The following TBC1D22A variants were observed in gnomAD, a reference collection of about 807,000 sequenced individuals.
The protein encoded by TBC1D22A is TBC1 domain family member 22A.
A neutral mutation model predicts 60.2 loss-of-function variants in TBC1D22A; 38 were observed. That is an observed-to-expected ratio of 0.63 (90% CI 0.49 to 0.83). TBC1D22A has a LOEUF of 0.83. TBC1D22A is among the 40% of genes least tolerant of loss of function. The probability of loss-of-function intolerance (pLI) is 0.00; values close to 1 mark genes in which losing one functional copy is unlikely to be tolerated. For missense variants in TBC1D22A, 628 were observed against 701.0 expected (o/e 0.90, Z 1.18); for synonymous variants, 302 against 281.7 (o/e 1.07, Z -0.72).
At chr22:47,147,035 G>A (rs1348432807) in intron 12 of TBC1D22A, among the ~76,000 whole-genome samples, 1 of 152,240 alleles carries the variant, frequency 6.6e-6, no homozygotes, top group Admixed American at 6.5e-5. Context: ...AAGACACAGC[G>A]TCAGGTGAGA....
At chr22:46,996,361 C>G (rs1405215902) in intron 9 of TBC1D22A, among the ~76,000 whole-genome samples, 6 of 152,272 alleles carry the variant, frequency 3.9e-5, no homozygotes, top group African/African-American at 7.2e-5. Flanking sequence ...CTGGCCGGGC[C>G]AGAGGCCCTG....
intron 12 of TBC1D22A, among the ~76,000 whole-genome samples, chr22:47,126,972 T>C (rs1460475669): frequency 2.0e-5 from 3 of 152,188 alleles, no homozygotes; most frequent in African/African-American, 7.2e-5. Context: ...GCTACCGATT[T>C]TTCACACGCA....
chr22:47,131,768 C>CT (rs1981624065), intron 12 of TBC1D22A, among the ~76,000 whole-genome samples: 1 of 152,238 alleles, frequency 6.6e-6, no homozygotes, highest in African/African-American at 2.4e-5. Flanking sequence ...CACAGTGACC[C>CT]TGGCTCTCTC....
chr22:47,065,288 C>A (rs2063714604), intron 11 of TBC1D22A, among the ~76,000 whole-genome samples: 1 of 152,228 alleles, frequency 6.6e-6, no homozygotes, highest in African/African-American at 2.4e-5. Context: ...AGCCACCATG[C>A]CCGGCCTAAG....
intron 8 of TBC1D22A, among the ~76,000 whole-genome samples, chr22:46,946,053 C>T (rs1485179858): frequency 6.6e-6 from 1 of 152,216 alleles, no homozygotes; most frequent in African/African-American, 2.4e-5. Context: ...TGATTCTGCA[C>T]AGTATTGGCT....
At chr22:47,002,889 C>T (rs2061445500) in intron 10 of TBC1D22A, among the ~76,000 whole-genome samples, 1 of 152,186 alleles carries the variant, frequency 6.6e-6, no homozygotes, top group Non-Finnish European at 1.5e-5. Flanking sequence ...ACTTAGCTTG[C>T]AAGGAGCAGC....
chr22:46,964,712 C>T (rs1359208576), intron 8 of TBC1D22A, among the ~76,000 whole-genome samples: 2 of 152,100 alleles, frequency 1.3e-5, no homozygotes, highest in Non-Finnish European at 2.9e-5. Flanking sequence ...TTGTGTGGTC[C>T]ATTTTCTGGA....
At chr22:47,052,482 C>T (rs1556031586) in intron 11 of TBC1D22A, among the ~76,000 whole-genome samples, 1 of 152,158 alleles carries the variant, frequency 6.6e-6, no homozygotes, top group Non-Finnish European at 1.5e-5. Flanking sequence ...GATGGGCCCC[C>T]TGGGGAGCAT....
At chr22:46,790,189 C>T (rs1435529013) in intron 1 of TBC1D22A, among the ~76,000 whole-genome samples, 2 of 152,260 alleles carry the variant, frequency 1.3e-5, no homozygotes, top group African/African-American at 4.8e-5. Context: ...AGCGTTTTCC[C>T]TGCTCTCTCC....
chr22:47,111,144 G>T (rs139347944), intron 11 of TBC1D22A, among the ~76,000 whole-genome samples: 6 of 152,294 alleles, frequency 3.9e-5, no homozygotes, highest in African/African-American at 1.4e-4. Context: ...TCCCTCACGC[G>T]CCCTTTGTGA....
rs146803331 is a variant in TBC1D22A, at chr22:47,126,603, G to A, written c.1425+15000G>A. On this transcript the variant is annotated intron_variant, in intron 12 of 12. Transcript: ENST00000337137. ...TGAGCTCAGGCCTTCCAATGAGGGC[G>A]GAGGGAGTGACCCCTGGCGCTGTCT... is the stretch of plus-strand genomic sequence containing the variant. Among the ~76,000 whole-genome samples, 1,036 of 152,366 alleles carry A rather than the reference G, an allele frequency of 6.8e-3. 10 individuals carry two copies. The highest frequency in any genetic ancestry group is 0.024 in the African/African-American group (987 of 41,578).
chr22:46,785,391 T>C (rs1227572703), intron 1 of TBC1D22A, among the ~76,000 whole-genome samples: 1 of 152,224 alleles, frequency 6.6e-6, no homozygotes, highest in African/African-American at 2.4e-5. Flanking sequence ...GAGGACCAGG[T>C]AAAAGCTGTA....
At chr22:47,050,506 C>T (rs1189372014) in intron 11 of TBC1D22A, among the ~76,000 whole-genome samples, 3 of 152,194 alleles carry the variant, frequency 2.0e-5, no homozygotes, top group Admixed American at 2.0e-4. Context: ...CCCATGGTGT[C>T]TTTCTGGGAC....
At position 46,990,443 on chromosome 22, in the gene TBC1D22A, T is replaced by A. The variant is rs1478255364; in HGVS notation, c.1126-7191T>A. ...CGTCCTCCTTCAGCCCCAGCCTCCC[T>A]GTGATTAGTATCTCACATCACTGAC... On this transcript the variant is annotated intron_variant, in intron 9 of 12. Transcript: ENST00000337137. This position sits in a 1 kb window ranked among gnomAD's most constrained non-coding sequence, Gnocchi z 4.6. Among the ~76,000 whole-genome samples, 1 of 152,172 alleles carries A rather than the reference T, an allele frequency of 6.6e-6. No individual in the cohort carries two copies. The highest frequency in any genetic ancestry group is 1.5e-5 in the Non-Finnish European group (1 of 68,022).
intron 3 of TBC1D22A, among the ~76,000 whole-genome samples, chr22:46,796,255 A>G (rs1416093005): frequency 6.6e-6 from 1 of 152,110 alleles, no homozygotes; most frequent in Non-Finnish European, 1.5e-5. Context: ...TAACTGGGCC[A>G]CATTCTGCCC....
intron 12 of TBC1D22A, among the ~76,000 whole-genome samples, chr22:47,123,384 C>T (rs773535522): frequency 1.3e-5 from 2 of 152,192 alleles, no homozygotes; most frequent in Non-Finnish European, 1.5e-5. Flanking sequence ...GGCTGTTTCC[C>T]GGCTGGCAGG....
chr22:47,158,625 C>T (rs528523245), intron 12 of TBC1D22A, among the ~76,000 whole-genome samples: 55 of 152,278 alleles, frequency 3.6e-4, no homozygotes, highest in African/African-American at 1.3e-3. Context: ...ACTGCCAGAC[C>T]CAGCATGGGG....
At chr22:46,979,744 G>A (rs149381271) in intron 9 of TBC1D22A, among the ~76,000 whole-genome samples, 2 of 152,296 alleles carry the variant, frequency 1.3e-5, no homozygotes, top group East Asian at 1.9e-4. Flanking sequence ...CAGCATGCCC[G>A]CAATTTTACC....
intron 4 of TBC1D22A, among the ~76,000 whole-genome samples, chr22:46,846,864 C>A (rs1435302563): frequency 2.0e-5 from 3 of 152,210 alleles, no homozygotes; most frequent in Non-Finnish European, 4.4e-5. Flanking sequence ...AAAGCAAACC[C>A]CAGACATCCT....
Sources: allele counts gnomAD v4.1 joint callset (sites outside exome capture counted in the v4.1 genomes callset), GRCh38; gene constraint gnomAD v4.1.1; non-coding constraint Gnocchi (gnomAD v3.1); transcripts MANE v1.5; gene names NCBI Gene and HGNC (gene_info 2026-07-23, HGNC 2026-07-21).